ABCD3: variants seen among roughly 807,000 people sequenced by gnomAD.
ABCD3 encodes ATP binding cassette subfamily D member 3.
Under a neutral mutation model 105.5 loss-of-function variants are expected in ABCD3, and 41 were observed. The ratio of observed to expected loss-of-function variants is 0.39; its 90% confidence interval spans 0.30 to 0.50. The LOEUF (loss-of-function observed/expected upper bound fraction) is 0.50, where lower values mean the gene tolerates loss of function less well. Among genes scored for constraint, ABCD3 ranks in the 20% least tolerant of loss-of-function variants. The pLI is 0.84. For missense variants in ABCD3, 622 were observed against 806.3 expected, an observed-to-expected ratio of 0.77 and a Z score of 2.77; for synonymous variants, 258 against 269.0, an observed-to-expected ratio of 0.96 and a Z score of 0.40.
chr1:94,414,948 G>A (rs969143225), upstream of ABCD3, among the ~76,000 whole-genome samples: 13 of 152,182 alleles, frequency 8.5e-5, no homozygotes, highest in African/African-American at 2.9e-4. Context: ...TTACTCATGA[G>A]GTTGCAGTCA....
At chr1:94,446,900 G>A (rs960462361) in intron 1 of ABCD3, among the ~76,000 whole-genome samples, 2 of 152,206 alleles carry the variant, frequency 1.3e-5, no homozygotes, top group Non-Finnish European at 2.9e-5. Context: ...GTGGGGAAGA[G>A]ATTTATTACA....
chr1:94,405,350 G>A, the ABCD3 span, among the ~76,000 whole-genome samples: 7 of 141,096 alleles, frequency 5.0e-5, no homozygotes, highest in Non-Finnish European at 9.0e-5. Context: ...CACTCTTGTC[G>A]CCAAGGCTGG....
chr1:94,498,577 AGACT>A, intron 16 of ABCD3, 21 bp from the exon 17 acceptor site: 1 of 1,566,102 alleles, frequency 6.4e-7, no homozygotes, highest in Non-Finnish European at 8.8e-7. Context: ...ATTACTTCAC[AGACT>A]GATTTTTTTT....
At chr1:94,471,664 G>C (rs987492920) in intron 4 of ABCD3, among the ~76,000 whole-genome samples, 2 of 152,096 alleles carry the variant, frequency 1.3e-5, no homozygotes, top group African/African-American at 4.8e-5. Flanking sequence ...CTCAAAAAAA[G>C]TTTTAAAATA....
chr1:94,391,637 C>T, the ABCD3 span, among the ~76,000 whole-genome samples: 27 of 152,182 alleles, frequency 1.8e-4, no homozygotes, highest in Non-Finnish European at 2.6e-4. Context: ...GCACTGCACT[C>T]CTCATTGCTT....
At chr1:94,494,124 T>C (rs1649679919) in intron 16 of ABCD3, among the ~76,000 whole-genome samples, 1 of 152,082 alleles carries the variant, frequency 6.6e-6, no homozygotes, top group Non-Finnish European at 1.5e-5. Context: ...GAACAATAAC[T>C]ACCCTGTATT....
chr1:94,448,422 T>A (rs1249192898), intron 1 of ABCD3, among the ~76,000 whole-genome samples: 1 of 152,240 alleles, frequency 6.6e-6, no homozygotes. Flanking sequence ...ATAACTAAAT[T>A]TAAACCAATT....
At chr1:94,413,416 C>T (rs188192236), upstream of ABCD3, among the ~76,000 whole-genome samples, 25 of 152,142 alleles carry the variant, frequency 1.6e-4, no homozygotes, top group African/African-American at 4.1e-4. Context: ...GGATGCAATG[C>T]GGACACAGTT....
chr1:94,442,539 A>C (rs1316184674), intron 1 of ABCD3, among the ~76,000 whole-genome samples: 2 of 152,190 alleles, frequency 1.3e-5, no homozygotes, highest in African/African-American at 4.8e-5. Context: ...ATTAGACAGC[A>C]GTGAAGTCTG....
At chr1:94,491,317 A>C in intron 16 of ABCD3, 70 bp downstream of exon 16, 1 of 1,191,428 alleles carries the variant, frequency 8.4e-7, no homozygotes, top group Non-Finnish European at 1.2e-6. Flanking sequence ...GATTACCTGA[A>C]TATTTAAAGT....
the ABCD3 span, among the ~76,000 whole-genome samples, chr1:94,412,939 T>C: frequency 1.3e-5 from 2 of 152,208 alleles, no homozygotes; most frequent in Non-Finnish European, 2.9e-5. Context: ...TTGGCCTTTT[T>C]CCTACTAATT....
chr1:94,482,302 C>T (rs533475137), intron 9 of ABCD3: 18 of 152,184 alleles, frequency 1.2e-4, no homozygotes, highest in African/African-American at 4.3e-4. Context: ...AACGCAGGTC[C>T]ATTTCAAAAT....
At chr1:94,515,438 G>A (rs1204009522) in intron 22 of ABCD3, among the ~76,000 whole-genome samples, 1 of 151,922 alleles carries the variant, frequency 6.6e-6, no homozygotes, top group East Asian at 1.9e-4. Context: ...TCTGTTAATA[G>A]TAACTGACTA....
chr1:94,435,950 G>A (rs1442826211), intron 1 of ABCD3, among the ~76,000 whole-genome samples: 3 of 152,200 alleles, frequency 2.0e-5, no homozygotes, highest in African/African-American at 7.2e-5. Flanking sequence ...GCCTCTTTAA[G>A]CTGGCTCCTT....
At chr1:94,459,294 C>T (rs572192639) in intron 2 of ABCD3, among the ~76,000 whole-genome samples, 4 of 152,088 alleles carry the variant, frequency 2.6e-5, no homozygotes, top group South Asian at 4.2e-4. Context: ...AATCTTGATT[C>T]CTTCTAATAT....
intron 10 of ABCD3, 35 bp downstream of exon 10, chr1:94,483,274 G>A: frequency 6.4e-7 from 1 of 1,556,550 alleles, no homozygotes; most frequent in Non-Finnish European, 8.9e-7. Context: ...TGTGTTTATG[G>A]AAAGGGTTTT....
intron 1 of ABCD3, among the ~76,000 whole-genome samples, chr1:94,428,791 G>A (rs1659568120): frequency 6.6e-6 from 1 of 151,956 alleles, no homozygotes; most frequent in African/African-American, 2.4e-5. Flanking sequence ...CCCAGTCTCG[G>A]GTATGTCTTT....
At chr1:94,453,443 T>C (rs2100945407) in intron 1 of ABCD3, among the ~76,000 whole-genome samples, 2 of 151,936 alleles carry the variant, frequency 1.3e-5, no homozygotes, top group African/African-American at 4.8e-5. Context: ...CTCAGCCTTT[T>C]GAGTAGCTGG....
chr1:94,478,635 G>A, intron 8 of ABCD3: 1 of 1,043,564 alleles, frequency 9.6e-7, no homozygotes. Flanking sequence ...AGGATCGCTT[G>A]AATCCAGGAG....
Sources: allele counts gnomAD v4.1 joint callset (sites outside exome capture counted in the v4.1 genomes callset), GRCh38; gene constraint gnomAD v4.1.1; transcripts MANE v1.5; gene names NCBI Gene and HGNC (gene_info 2026-07-23, HGNC 2026-07-21).